The following COL21A1 variants were observed in gnomAD, a reference collection of about 807,000 sequenced individuals.
COL21A1 encodes the protein collagen type XXI alpha 1 chain, also known as collagen alpha-1(XXI) chain.
In COL21A1, 149 loss-of-function variants were observed where a neutral mutation model predicts 137.9. That is an observed-to-expected ratio of 1.08 (90% confidence interval 0.95 to 1.24). The LOEUF is 1.24. COL21A1 is among the 50% of genes most tolerant of loss of function. The pLI, the probability that COL21A1 is intolerant of heterozygous loss-of-function variation, is 0.00. For missense variants in COL21A1, 1,167 were observed against 1,158.4 expected (o/e 1.01, Z -0.11); for synonymous variants, 456 against 391.5 (o/e 1.16, Z -1.95).
At chr6:56,374,614 C>T (rs926556072) in intron 1 of COL21A1, among the ~76,000 whole-genome samples, 4 of 149,106 alleles carry the variant, frequency 2.7e-5, no homozygotes, top group African/African-American at 7.4e-5. Context: ...CCCAGCTACT[C>T]GGGAAGCTGA....
chr6:56,171,713 A>G (rs1448549314), intron 3 of COL21A1, among the ~76,000 whole-genome samples: 2 of 151,952 alleles, frequency 1.3e-5, no homozygotes, highest in African/African-American at 4.8e-5. Flanking sequence ...CCTGGGTCCC[A>G]TCTATTCATG....
intron 1 of COL21A1, among the ~76,000 whole-genome samples, chr6:56,211,189 ATATATGTATATATACATATATATG>A (rs1419112138): frequency 3.0e-4 from 4 of 13,478 alleles, no homozygotes; most frequent in South Asian, 6.0e-3. Context: ...ATATATATGT[ATATATGTATATATACATATATATG>A]TATATGTATA....
chr6:56,346,928 A>C (rs538414186), intron 1 of COL21A1, among the ~76,000 whole-genome samples: 2 of 152,260 alleles, frequency 1.3e-5, no homozygotes, highest in South Asian at 4.2e-4. Context: ...CTTGGGTGTC[A>C]TGATGTCACT....
intron 1 of COL21A1, among the ~76,000 whole-genome samples, chr6:56,340,871 G>A (rs188268871): frequency 3.9e-5 from 6 of 152,290 alleles, no homozygotes; most frequent in African/African-American, 9.6e-5. Context: ...AGTAATCTAT[G>A]TTCTCTGTCA....
intron 1 of COL21A1, among the ~76,000 whole-genome samples, chr6:56,229,552 A>G (rs1183811391): frequency 6.6e-6 from 1 of 151,886 alleles, no homozygotes; most frequent in Non-Finnish European, 1.5e-5. Context: ...TATATCCAAA[A>G]ATTGTTGTGC....
intron 1 of COL21A1, among the ~76,000 whole-genome samples, chr6:56,185,586 C>T (rs1372763491): frequency 6.6e-6 from 1 of 151,404 alleles, no homozygotes; most frequent in Non-Finnish European, 1.5e-5. Flanking sequence ...CAGGCGCCCG[C>T]CACTACGCCC....
chr6:56,230,425 A>C (rs900084068), intron 1 of COL21A1, among the ~76,000 whole-genome samples: 1 of 152,090 alleles, frequency 6.6e-6, no homozygotes, highest in East Asian at 1.9e-4. Flanking sequence ...AAATAAAAAA[A>C]GTCAAGTTTC....
intron 1 of COL21A1, among the ~76,000 whole-genome samples, chr6:56,192,271 A>G (rs1778737258): frequency 6.6e-6 from 1 of 152,226 alleles, no homozygotes; most frequent in Non-Finnish European, 1.5e-5. Context: ...AGGCAATACC[A>G]TTCAGGACAT....
At chr6:56,110,446 C>A (rs1582382236) in intron 16 of COL21A1, among the ~76,000 whole-genome samples, 2 of 151,716 alleles carry the variant, frequency 1.3e-5, no homozygotes, top group Non-Finnish European at 2.9e-5. Flanking sequence ...AAAATATGTG[C>A]TTTTATCCCT....
At chr6:56,171,690 G>A (rs144517536) in intron 3 of COL21A1, among the ~76,000 whole-genome samples, 146 of 151,848 alleles carry the variant, frequency 9.6e-4, no homozygotes, top group Middle Eastern at 6.8e-3. Context: ...CTGTCTCTCT[G>A]GAAAAAACTT....
At chr6:56,348,763 G>A (rs1765646681) in intron 1 of COL21A1, among the ~76,000 whole-genome samples, 1 of 152,168 alleles carries the variant, frequency 6.6e-6, no homozygotes, top group African/African-American at 2.4e-5. Flanking sequence ...TAGATAACAG[G>A]GCAATTGTCC....
At position 56,057,411 on chromosome 6, in the gene COL21A1, A is replaced by G. The variant is rs917517551; in HGVS notation, c.*246T>C. 2.0e-5 allele frequency: 9 copies of G among 452,242 alleles called. No homozygotes were observed. The highest frequency in any genetic ancestry group is 8.4e-5 in the African/African-American group (4 of 47,842). The allele number at this position is 452,242 out of a possible 1,614,324, so 28.0% of individuals were successfully genotyped here. On this transcript the variant is annotated 3_prime_UTR_variant, in exon 30 of 30. Coordinates refer to ENST00000244728, the MANE Select transcript of COL21A1 (RefSeq NM_030820.4). Reference sequence around the variant, plus strand: ...ATTTTTATATTCAACTTTGATTAACATAAATGGACTTTACAAGAAACCCTT... The same window carrying G: ...ATTTTTATATTCAACTTTGATTAACGTAAATGGACTTTACAAGAAACCCTT...
intron 28 of COL21A1, 76 bp from the exon 29 acceptor site, chr6:56,059,318 T>C: frequency 1.1e-6 from 1 of 922,164 alleles, no homozygotes. Flanking sequence ...AAGCTGTTAA[T>C]ATACACATGA....
In COL21A1 at chr6:56,156,943, G is replaced by T; in HGVS notation, c.1378C>A (p.Pro460Thr). The change falls in exon 10 of 30, where the codon CCT becomes ACT. Residue 460 changes from proline (P) to threonine (T), a missense_variant. Physicochemically the swap from Pro to Thr is conservative, Grantham distance 38 (BLOSUM62 -1). Transcript: ENST00000244728. ...KPGLQGPKGDPGLPGNPGYPG... is the reference protein window; with the variant it reads ...KPGLQGPKGDTGLPGNPGYPG... ...TAGCCAGGGTTCCCAGGCAGTCCAG[G>T]GTCACCCTAAGCAGGAAGCAAACAA... 1 of 1,610,844 alleles carries T rather than the reference G, an allele frequency of 6.2e-7. No homozygotes were observed. Among genetic ancestry groups the T allele is most frequent in the Non-Finnish European group, 8.5e-7 (1 of 1,178,630 alleles).
At chr6:56,179,552 T>C in intron 3 of COL21A1, 26 bp downstream of exon 3, 1 of 1,545,006 alleles carries the variant, frequency 6.5e-7, no homozygotes, top group African/African-American at 1.4e-5. Flanking sequence ...TGCTTCCAAA[T>C]TATATTAAGG....
chr6:56,310,189 TA>T (rs55883768), intron 1 of COL21A1, among the ~76,000 whole-genome samples: 29,263 of 152,086 alleles, frequency 0.19, 3,223 homozygotes, highest in Non-Finnish European at 0.25. Context: ...ATGGAAGACG[TA>T]AGACAGAAAA....
At chr6:56,102,624 T>G (rs899210790) in intron 16 of COL21A1, among the ~76,000 whole-genome samples, 2 of 152,184 alleles carry the variant, frequency 1.3e-5, no homozygotes, top group African/African-American at 4.8e-5. Context: ...AATTTCATAT[T>G]CTAATGAATT....
chr6:56,271,149 G>A lies in COL21A1; in HGVS notation c.-38-88493C>T, dbSNP rs1189538913. Among the ~76,000 whole-genome samples the A allele has an allele frequency of 2.0e-5, 3 of 152,180 alleles. No individual in the cohort carries two copies. The East Asian group carries it at 5.8e-4, about 29-fold the overall frequency. ...TTCCTAGAGACTGTTGAATGGTTTT[G>A]ACCAAAATGCTGATAGTGACAATGA... is the stretch of plus-strand genomic sequence containing the variant. On this transcript the variant is annotated intron_variant, in intron 1 of 28. Coordinates refer to the COL21A1 transcript ENST00000370819.
intron 17 of COL21A1, among the ~76,000 whole-genome samples, chr6:56,089,372 A>G (rs533536624): frequency 1.9e-4 from 29 of 152,314 alleles, no homozygotes; most frequent in Non-Finnish European, 3.8e-4. Context: ...AGTTGTGATC[A>G]ATTTTAAATT....
Sources: allele counts gnomAD v4.1 joint callset (sites outside exome capture counted in the v4.1 genomes callset), GRCh38; gene constraint gnomAD v4.1.1; transcripts MANE v1.5; gene names NCBI Gene and HGNC (gene_info 2026-07-23, HGNC 2026-07-21).